CADPS: variants seen among roughly 807,000 people sequenced by gnomAD.
CADPS encodes the protein calcium dependent secretion activator.
In CADPS, 57 loss-of-function variants were observed where a neutral mutation model predicts 167.3. That is an observed-to-expected ratio of 0.34 (90% CI 0.28 to 0.42). CADPS has a LOEUF of 0.42. CADPS is among the 20% of genes least tolerant of loss of function. The pLI, the probability that CADPS is intolerant of heterozygous loss-of-function variation, is 1.00. For missense variants in CADPS, 1,414 were observed against 1,738.1 expected, an observed-to-expected ratio of 0.81 and a Z score of 3.32; for synonymous variants, 676 against 635.3, an observed-to-expected ratio of 1.06 and a Z score of -0.96.
rs145635950 is a variant in CADPS, at chr3:62,660,208, T to C, written c.969+2106A>G. ...GTAAACAAAGCAAGTAAATTAAAGGTGCCATGAGCTTGTTTTTGAGGTGTG... is the reference window on the plus strand; with the variant it reads ...GTAAACAAAGCAAGTAAATTAAAGGCGCCATGAGCTTGTTTTTGAGGTGTG... On this transcript the variant is annotated intron_variant, in intron 4 of 29. Transcript: ENST00000383710. Among the ~76,000 whole-genome samples the C allele has an allele frequency of 5.7e-3, 865 of 152,266 alleles. 8 individuals carry two copies. The highest frequency in any genetic ancestry group is 0.02 in the African/African-American group (832 of 41,556).
chr3:62,482,796 G>A lies in CADPS; in HGVS notation c.3027-927C>T, dbSNP rs148168504. On this transcript the variant is annotated intron_variant, in intron 21 of 29. Transcript: ENST00000383710. Reference sequence around the variant, plus strand: ...GCTTACATGGGTGTGTGTTCAATTTGTGAAAATTAATCAAGCTCTGTATTT... The same window carrying A: ...GCTTACATGGGTGTGTGTTCAATTTATGAAAATTAATCAAGCTCTGTATTT... Among the ~76,000 whole-genome samples the A allele has an allele frequency of 3.5e-3, 530 of 152,278 alleles. 5 individuals carry two copies. The highest frequency in any genetic ancestry group is 0.012 in the African/African-American group (494 of 41,564).
intron 7 of CADPS, among the ~76,000 whole-genome samples, chr3:62,590,145 C>T (rs1332190585): frequency 2.7e-5 from 4 of 150,344 alleles, no homozygotes; most frequent in Non-Finnish European, 4.4e-5. Context: ...GCCGAGATCA[C>T]GCCACTGTAC....
intron 7 of CADPS, among the ~76,000 whole-genome samples, chr3:62,588,358 T>C (rs1303205683): frequency 6.6e-6 from 1 of 152,008 alleles, no homozygotes; most frequent in Non-Finnish European, 1.5e-5. Flanking sequence ...TCTGTTTTTA[T>C]GTCTGTGTCC....
chr3:62,539,550 G>A (rs1444083520), intron 11 of CADPS, among the ~76,000 whole-genome samples: 1 of 151,802 alleles, frequency 6.6e-6, no homozygotes, highest in African/African-American at 2.4e-5. Flanking sequence ...GGAGGAGTAA[G>A]CCAGGAGTGC....
intron 26 of CADPS, among the ~76,000 whole-genome samples, chr3:62,460,635 T>A (rs1480619240): frequency 6.6e-6 from 1 of 152,200 alleles, no homozygotes; most frequent in Non-Finnish European, 1.5e-5. Context: ...CCAGGTGGCA[T>A]TCTCGTTCTA....
At chr3:62,855,308 G>A (rs1264668644) in intron 1 of CADPS, among the ~76,000 whole-genome samples, 2 of 151,714 alleles carry the variant, frequency 1.3e-5, no homozygotes, top group Non-Finnish European at 2.9e-5. Flanking sequence ...ATGGAAGTTG[G>A]ATTCCTCTCT....
intron 28 of CADPS, among the ~76,000 whole-genome samples, chr3:62,407,727 T>C (rs1034861785): frequency 5.9e-5 from 9 of 152,076 alleles, no homozygotes; most frequent in African/African-American, 1.7e-4. Context: ...TGGATATACT[T>C]TCTTTTTGTT....
At chr3:62,787,967 T>A (rs2092613465) in intron 1 of CADPS, among the ~76,000 whole-genome samples, 1 of 152,206 alleles carries the variant, frequency 6.6e-6, no homozygotes. Context: ...CAGTCATTCA[T>A]GTTCTAAATA....
At chr3:62,858,546 C>A (rs957284374) in intron 1 of CADPS, among the ~76,000 whole-genome samples, 2 of 151,932 alleles carry the variant, frequency 1.3e-5, no homozygotes, top group Non-Finnish European at 2.9e-5. Flanking sequence ...TTTTTCATAC[C>A]TGAAAAAATT....
In CADPS at chr3:62,410,237, T is replaced by C. The variant is rs570315868; in HGVS notation, c.3778-7052A>G. Among the ~76,000 whole-genome samples, 13 of 152,356 alleles carry C rather than the reference T, an allele frequency of 8.5e-5. No individual in the cohort carries two copies. In the South Asian group the frequency reaches 2.7e-3, roughly 32 times the overall value. On this transcript the variant is annotated intron_variant, in intron 28 of 29. Transcript: ENST00000383710. The stretch of plus-strand genomic sequence containing the variant: ...ATTGAAAACTTGTGACTCAGTCCAA[T>C]ATATCTCCATCCTGAGTGATAGTTG...
intron 3 of CADPS, among the ~76,000 whole-genome samples, chr3:62,662,722 C>A (rs544642413): frequency 1.3e-5 from 2 of 152,130 alleles, no homozygotes; most frequent in Non-Finnish European, 2.9e-5. Flanking sequence ...GCTTACACGG[C>A]AGATGTACAA....
At chr3:62,496,727 T>C (rs1197864040) in intron 18 of CADPS, among the ~76,000 whole-genome samples, 1 of 152,304 alleles carries the variant, frequency 6.6e-6, no homozygotes, top group East Asian at 1.9e-4. Context: ...CAAACTTCTC[T>C]GGCACAGAGC....
chr3:62,698,209 C>T (rs1467367344), intron 3 of CADPS, among the ~76,000 whole-genome samples: 1 of 152,046 alleles, frequency 6.6e-6, no homozygotes, highest in African/African-American at 2.4e-5. Flanking sequence ...TAGCATATTG[C>T]CTCATGCAAT....
In CADPS at chr3:62,753,800, C is replaced by T. The variant is rs2083244090; in HGVS notation, c.556-27G>A. 6.3e-7 allele frequency: 1 copy of T among 1,589,078 alleles called. No homozygotes were observed. Among genetic ancestry groups the T allele is most frequent in the Non-Finnish European group, 8.6e-7 (1 of 1,165,640 alleles). ...TGAGCAAGAACAAGGCCAGGAAAGA[C>T]AGTAGGAGAGTTTACCACAGAGGTA... On this transcript the variant is annotated intron_variant, in intron 2 of 29. Transcript: ENST00000383710. The surrounding 1 kb of genome is among the most constrained non-coding windows in gnomAD (Gnocchi z 4.6).
chr3:62,868,849 A>G lies in CADPS; in HGVS notation c.441+5740T>C, dbSNP rs77908307. On this transcript the variant is annotated intron_variant, in intron 1 of 29. Transcript: ENST00000383710. Reference sequence around the variant, plus strand: ...TGTCCAGAAAGAACTATCAACTCCTATATCTGGAGAGGACATTAGAAATTA... The same window carrying G: ...TGTCCAGAAAGAACTATCAACTCCTGTATCTGGAGAGGACATTAGAAATTA... Among the ~76,000 whole-genome samples, 746 of 152,248 alleles carry G rather than the reference A, an allele frequency of 4.9e-3. 7 individuals carry two copies. Among genetic ancestry groups the G allele is most frequent in the African/African-American group, 0.017 (703 of 41,576 alleles).
At chr3:62,761,657 G>C (rs1368866644) in intron 2 of CADPS, among the ~76,000 whole-genome samples, 1 of 151,980 alleles carries the variant, frequency 6.6e-6, no homozygotes, top group Non-Finnish European at 1.5e-5. Context: ...CAAGCAGGGA[G>C]GTGAGGAGGT....
chr3:62,629,182 G>A (rs994295178), intron 6 of CADPS, among the ~76,000 whole-genome samples: 3 of 152,042 alleles, frequency 2.0e-5, no homozygotes, highest in Non-Finnish European at 4.4e-5. Flanking sequence ...TTCAATGACT[G>A]TTTTTGTAAA....
intron 28 of CADPS, among the ~76,000 whole-genome samples, chr3:62,422,022 C>T (rs1575783891): frequency 6.6e-6 from 1 of 152,202 alleles, no homozygotes; most frequent in South Asian, 2.1e-4. Flanking sequence ...TACATAATAG[C>T]ATTTCTTTGT....
intron 8 of CADPS, among the ~76,000 whole-genome samples, chr3:62,573,278 C>T (rs1398229431): frequency 2.6e-5 from 4 of 152,064 alleles, no homozygotes; most frequent in Non-Finnish European, 5.9e-5. Context: ...ATTTTTTATT[C>T]ACATTATTTT....
Sources: allele counts gnomAD v4.1 joint callset (sites outside exome capture counted in the v4.1 genomes callset), GRCh38; gene constraint gnomAD v4.1.1; non-coding constraint Gnocchi (gnomAD v3.1); transcripts MANE v1.5; gene names NCBI Gene and HGNC (gene_info 2026-07-23, HGNC 2026-07-21).